The following TGFB1 variants were observed in gnomAD, a reference collection of about 807,000 sequenced individuals.
TGFB1 encodes the protein transforming growth factor beta-1 proprotein.
A neutral mutation model predicts 43.8 loss-of-function variants in TGFB1; 19 were observed. The observed-to-expected ratio is 0.43, with a 90% CI of 0.30 to 0.64. TGFB1 has a LOEUF of 0.64. Among genes scored for constraint, TGFB1 ranks in the 30% least tolerant of loss-of-function variants. The pLI, the probability that TGFB1 is intolerant of heterozygous loss-of-function variation, is 0.11. For synonymous variants in TGFB1, 221 were observed against 236.3 expected (o/e 0.94, Z 0.60); for missense variants, 445 against 529.8 (o/e 0.84, Z 1.57).
At chr19:41,342,387 T>C (rs2038067903) in intron 3 of TGFB1, 140 bp from the exon 4 acceptor site, 2 of 540,498 alleles carry the variant, frequency 3.7e-6, no homozygotes, top group East Asian at 3.3e-5. Flanking sequence ...ACTGCAGCTC[T>C]CTCTTTTTTT....
In TGFB1 at chr19:41,352,994, C is replaced by G; in HGVS notation, c.51G>C (p.Trp17Cys). The change falls in exon 1 of 7, where the codon TGG (tryptophan) becomes TGC (cysteine). Residue 17 changes from tryptophan to cysteine, a missense_variant. Transcript: ENST00000221930. Reference protein sequence around the residue: ...RLLPLLLPLLWLLVLTPGRPA... With the variant: ...RLLPLLLPLLCLLVLTPGRPA... Reference sequence around the variant, plus strand: ...GCCGGCCAGGCGTCAGCACCAGTAGCCACAGCAGCGGTAGCAGCAGCGGCA... The same window carrying G: ...GCCGGCCAGGCGTCAGCACCAGTAGGCACAGCAGCGGTAGCAGCAGCGGCA... 1 of 1,538,242 alleles carries G rather than the reference C, an allele frequency of 6.5e-7. No homozygotes were observed. The highest frequency in any genetic ancestry group is 8.7e-7 in the Non-Finnish European group (1 of 1,145,988).
At chr19:41,340,247 CTTTCTT>C (rs1248546838) in intron 5 of TGFB1, among the ~76,000 whole-genome samples, 1 of 126,742 alleles carries the variant, frequency 7.9e-6, no homozygotes, top group Non-Finnish European at 1.7e-5. Context: ...CTGACACTTT[CTTTCTT>C]TTTTTTTTTT....
Position 41,342,172 on chromosome 19 carries a change from T to A in TGFB1, c.710A>T (p.Asn237Ile). 6.2e-7 allele frequency: 1 copy of A among 1,609,986 alleles called. No homozygotes were observed. ...SRDNTLQVDI[N>I]GFTTGRRGDL... ...ATGGCCGGGGAAGCAGGCCTCACCG[T>A]TGATGTCCACTTGCAGTGTGTTATC... The change falls in exon 4 of 7, where the codon AAC becomes ATC. Residue 237 changes from asparagine (N) to isoleucine (I), a missense_variant and splice_region_variant. Physicochemically the swap from Asn to Ile is moderately radical, Grantham distance 149. Coordinates refer to ENST00000221930, the MANE Select transcript of TGFB1 (RefSeq NM_000660.7).
chr19:41,331,919 A>G, intron 6 of TGFB1: 3 of 607,630 alleles, frequency 4.9e-6, no homozygotes, highest in Non-Finnish European at 8.4e-6. Context: ...GGGTCTTCAT[A>G]GCTCATCTCC....
chr19:41,339,344 C>A (rs2038026343), intron 5 of TGFB1, among the ~76,000 whole-genome samples: 1 of 152,036 alleles, frequency 6.6e-6, no homozygotes, highest in African/African-American at 2.4e-5. Flanking sequence ...GTCTTGAACT[C>A]CTAAGCTCAA....
intron 2 of TGFB1, among the ~76,000 whole-genome samples, chr19:41,346,196 C>T (rs922978985): frequency 6.6e-6 from 1 of 151,716 alleles, no homozygotes; most frequent in Non-Finnish European, 1.5e-5. Context: ...ACTAAAAATA[C>T]AAAATTAGCT....
chr19:41,351,454 C>T (rs1015894555), intron 1 of TGFB1, among the ~76,000 whole-genome samples: 9 of 152,182 alleles, frequency 5.9e-5, no homozygotes, highest in African/African-American at 1.9e-4. Flanking sequence ...GGGCGGGGAC[C>T]AGACCTGCCC....
rs2038252231 is a variant in TGFB1, at chr19:41,353,858, T to A, written c.-814A>T. 6.2e-6 allele frequency: 1 copy of A among 160,104 alleles called. No individual in the cohort carries two copies. Among genetic ancestry groups the A allele is most frequent in the African/African-American group, 2.4e-5 (1 of 41,358 alleles). The allele number at this position is 160,104 out of a possible 1,614,324, so 9.9% of individuals were successfully genotyped here. A position where few individuals can be genotyped will look rare whatever the true frequency, so the allele number is the denominator to read the frequency against. ...CCCTGCCCCCGGCCGGGGCCCTCGCTGTCTGGCTGCTCCGCGGAGGGAGGT... is the reference window on the plus strand; with the variant it reads ...CCCTGCCCCCGGCCGGGGCCCTCGCAGTCTGGCTGCTCCGCGGAGGGAGGT... On this transcript the variant is annotated 5_prime_UTR_variant, in exon 1 of 7. Transcript: ENST00000221930. This position sits in a 1 kb window ranked among gnomAD's most constrained non-coding sequence, Gnocchi z 5.9.
intron 5 of TGFB1, among the ~76,000 whole-genome samples, chr19:41,341,466 CAAAAAAA>C (rs770264069): frequency 1.4e-3 from 51 of 35,576 alleles, no homozygotes; most frequent in African/African-American, 4.9e-3. Flanking sequence ...GACTCTGTCT[CAAAAAAA>C]AAAAAAAAAA....
In TGFB1 at chr19:41,331,063, T is replaced by C; in HGVS notation, c.1162A>G (p.Lys388Glu). 4.5e-6 allele frequency: 7 copies of C among 1,569,900 alleles called. No individual in the cohort carries two copies. Among genetic ancestry groups the C allele is most frequent in the Non-Finnish European group, 6.0e-6 (7 of 1,159,988 alleles). Residue 388 changes from lysine (K) to glutamate (E), a missense_variant, in exon 7 of 7, where the codon AAG (lysine) becomes GAG (glutamate). Around this residue, in one of 3 missense-constraint regions of TGFB1, gnomAD observed 56 missense variants for 46.9 expected, o/e 1.19. Coordinates refer to ENST00000221930, the MANE Select transcript of TGFB1 (RefSeq NM_000660.7). Reference sequence around the variant, plus strand: ...GGCGGGGCGGGACCTCAGCTGCACTTGCAGGAGCGCACGATCATGTTGGAC... The same window carrying C: ...GGCGGGGCGGGACCTCAGCTGCACTCGCAGGAGCGCACGATCATGTTGGAC... ...QLSNMIVRSC[K>E]CS
rs143069059 is a variant in TGFB1, at chr19:41,332,560, G to T, written c.861-279C>A. ...GAAGCCAGATGACCATCCACGGGGGGGCTAAATAAATCATGGCATGCCACA... is the reference window on the plus strand; with the variant it reads ...GAAGCCAGATGACCATCCACGGGGGTGCTAAATAAATCATGGCATGCCACA... On this transcript the variant is annotated intron_variant, in intron 5 of 6. Transcript: ENST00000221930. 5.1e-4 allele frequency among the ~76,000 whole-genome samples: 77 copies of T among 152,302 alleles called. 1 individual carries two copies. In the East Asian group the frequency reaches 0.012, roughly 23 times the overall value.
rs2037922655 is a variant in TGFB1 at position 41,331,018 on chromosome 19, G to T, written c.*34C>A. 2.7e-6 allele frequency: 4 copies of T among 1,490,200 alleles called. No homozygotes were observed. Among genetic ancestry groups the T allele is most frequent in the Non-Finnish European group, 3.6e-6 (4 of 1,120,748 alleles). The allele number at this position is 1,490,200 out of a possible 1,614,324, so 92.3% of individuals were successfully genotyped here. A position where few individuals can be genotyped will look rare whatever the true frequency, so the allele number is the denominator to read the frequency against. ...GCGGGGGCGGGGCGGGGTGGGGCCGGGCCTGCCGGGGCGGGGCGGGGCGGG... is the reference window on the plus strand; with the variant it reads ...GCGGGGGCGGGGCGGGGTGGGGCCGTGCCTGCCGGGGCGGGGCGGGGCGGG... On this transcript the variant is annotated 3_prime_UTR_variant, in exon 7 of 7. Transcript: ENST00000221930.
Position 41,330,880 on chromosome 19 carries a change from C to G in TGFB1, c.*172G>C, listed in dbSNP as rs200673279. The G allele has an allele frequency of 5.9e-5, 33 of 561,398 alleles. No homozygotes were observed. The South Asian group carries it at 7.4e-4, about 13-fold the overall frequency. The allele number at this position is 561,398 out of a possible 1,614,324, so 34.8% of individuals were successfully genotyped here. ...TGGGGGAACGTCAGGGATGGAGACCCCAGGCAGGCGCCCAATGACACAGAG... is the reference window on the plus strand; with the variant it reads ...TGGGGGAACGTCAGGGATGGAGACCGCAGGCAGGCGCCCAATGACACAGAG... On this transcript the variant is annotated 3_prime_UTR_variant, in exon 7 of 7. Coordinates refer to ENST00000221930, the MANE Select transcript of TGFB1 (RefSeq NM_000660.7).
chr19:41,341,751 C>T (rs2038058108), intron 5 of TGFB1, 132 bp downstream of exon 5: 2 of 1,175,902 alleles, frequency 1.7e-6, no homozygotes, highest in Admixed American at 1.9e-5. Flanking sequence ...TCCCCTGAGC[C>T]CTCCAAGCTA....
chr19:41,337,371 C>T (rs891074514), intron 5 of TGFB1, among the ~76,000 whole-genome samples: 1 of 152,052 alleles, frequency 6.6e-6, no homozygotes, highest in Non-Finnish European at 1.5e-5. Flanking sequence ...GAACTCCTGA[C>T]CTCAGGTGGT....
chr19:41,345,901 C>CAA (rs896920695), intron 2 of TGFB1, among the ~76,000 whole-genome samples: 2 of 133,914 alleles, frequency 1.5e-5, no homozygotes, highest in African/African-American at 5.5e-5. Context: ...GACTCTGTCT[C>CAA]AAAAAAAAAA....
rs149596110 is a variant in TGFB1, at chr19:41,332,098, G to T, written c.1014+30C>A. 14 of 1,599,360 alleles carry T rather than the reference G, an allele frequency of 8.8e-6. 1 individual carries two copies. Among genetic ancestry groups the T allele is most frequent in the South Asian group, 2.2e-5 (2 of 90,680 alleles). Reference sequence around the variant, plus strand: ...TCCTCCGTCCTGGCTCCCCCCAAGCGCATCTCGTAGCCCGGTGGGCCAGAC... The same window carrying T: ...TCCTCCGTCCTGGCTCCCCCCAAGCTCATCTCGTAGCCCGGTGGGCCAGAC... On this transcript the variant is annotated intron_variant, in intron 6 of 6. Coordinates refer to ENST00000221930, the MANE Select transcript of TGFB1 (RefSeq NM_000660.7).
At chr19:41,342,390 C>CTTTTTTTTT (rs55678429) in intron 3 of TGFB1, 143 bp from the exon 4 acceptor site, 1 of 323,540 alleles carries the variant, frequency 3.1e-6, no homozygotes, top group African/African-American at 3.6e-5. Context: ...GCAGCTCTCT[C>CTTTTTTTTT]TTTTTTTTTT....
chr19:41,341,183 T>A (rs2038050307), intron 5 of TGFB1, among the ~76,000 whole-genome samples: 1 of 150,778 alleles, frequency 6.6e-6, no homozygotes, highest in African/African-American at 2.4e-5. Flanking sequence ...TACAAAAAAT[T>A]AGGCCGGGCG....
Sources: gnomAD v4.1 joint callset for allele counts (sites outside exome capture counted in the v4.1 genomes callset) on GRCh38, gnomAD v4.1.1 for gene constraint, gnomAD v4.1.1 regional missense constraint, Gnocchi (gnomAD v3.1) non-coding constraint, MANE v1.5 for transcripts, NCBI Gene and HGNC (gene_info 2026-07-23, HGNC 2026-07-21) for gene names.